Variants in SNTG2 observed in about 807,000 individuals in gnomAD.
SNTG2 encodes syntrophin gamma 2, also known as gamma-2-syntrophin.
Under a neutral mutation model 70.9 loss-of-function variants are expected in SNTG2, and 74 were observed. That is an observed-to-expected ratio of 1.04 (90% CI 0.86 to 1.27). The LOEUF (loss-of-function observed/expected upper bound fraction) is 1.27. Ranked by LOEUF, SNTG2 falls within the 50% of genes most tolerant of loss-of-function variation. The pLI is 0.00. For synonymous variants in SNTG2, 278 were observed against 273.8 expected (o/e 1.02, Z -0.15); for missense variants, 717 against 690.7 (o/e 1.04, Z -0.43).
chr2:1,098,478 G>C, intron 4 of SNTG2, 68 bp downstream of exon 4: 1 of 1,494,578 alleles, frequency 6.7e-7, no homozygotes, highest in Non-Finnish European at 9.3e-7. Flanking sequence ...TACTGAAAAT[G>C]ATAAAAATCA....
At chr2:1,276,224 A>T (rs572776103) in intron 14 of SNTG2, among the ~76,000 whole-genome samples, 6 of 152,336 alleles carry the variant, frequency 3.9e-5, no homozygotes, top group African/African-American at 1.2e-4. Flanking sequence ...TAAACAATAG[A>T]TTTTCCATGT....
At chr2:1,001,737 A>G (rs1659401691) in intron 1 of SNTG2, among the ~76,000 whole-genome samples, 1 of 152,048 alleles carries the variant, frequency 6.6e-6, no homozygotes, top group Non-Finnish European at 1.5e-5. Flanking sequence ...AAATATTAAT[A>G]TCATTTTTTA....
chr2:959,991 G>A (rs994340183), intron 1 of SNTG2, among the ~76,000 whole-genome samples: 14 of 151,986 alleles, frequency 9.2e-5, no homozygotes, highest in Non-Finnish European at 1.8e-4. Flanking sequence ...TCATCCTCAA[G>A]ATAGAATTTT....
chr2:1,222,491 G>T (rs1297815073), intron 9 of SNTG2, among the ~76,000 whole-genome samples: 1 of 141,002 alleles, frequency 7.1e-6, no homozygotes, highest in East Asian at 2.2e-4. Flanking sequence ...GAGGAAAGTG[G>T]TGCAGTGATG....
At chr2:1,001,691 C>G (rs1414804726) in intron 1 of SNTG2, among the ~76,000 whole-genome samples, 1 of 151,778 alleles carries the variant, frequency 6.6e-6, no homozygotes, top group Non-Finnish European at 1.5e-5. Flanking sequence ...ACCATACTAC[C>G]CAAAGCAATC....
chr2:1,307,700 C>A lies in SNTG2; in HGVS notation c.1285-794C>A, dbSNP rs148756663. Among the ~76,000 whole-genome samples, 377 of 152,340 alleles carry A rather than the reference C, an allele frequency of 2.5e-3. 1 individual carries two copies. The highest frequency in any genetic ancestry group is 8.4e-3 in the African/African-American group (348 of 41,568). On this transcript the variant is annotated intron_variant, in intron 14 of 16. Transcript: ENST00000308624. Reference sequence around the variant, plus strand: ...AACTTTTACCAAGTTATTAGGGTCCCTGCTTCTTTCGTCTGGAGTCGCATG... The same window carrying A: ...AACTTTTACCAAGTTATTAGGGTCCATGCTTCTTTCGTCTGGAGTCGCATG...
In SNTG2 at chr2:1,222,077, CTG is replaced by C. The variant is rs1249428328; in HGVS notation, c.719+12849_719+12850del. ...TCTCTGTCTCTGTTTCTCTCTGTCT[CTG>C]TCTCTGTCTCTCTCTGTCTCTCTCT... On this transcript the variant is annotated intron_variant, in intron 9 of 16. Coordinates refer to ENST00000308624, the MANE Select transcript of SNTG2 (RefSeq NM_018968.4). Among the ~76,000 whole-genome samples the C allele has an allele frequency of 5.0e-3, 252 of 50,016 alleles. 46 individuals are homozygous for C. The highest frequency in any genetic ancestry group is 7.5e-3 in the Non-Finnish European group (163 of 21,796). The allele number at this position is 50,016 out of a possible 152,430, so 32.8% of individuals were successfully genotyped here.
Position 1,190,495 on chromosome 2 carries a change from CTATATATATATATATATA to C in SNTG2, c.591+17340_591+17357del, listed in dbSNP as rs72001718. Among the ~76,000 whole-genome samples the C allele has an allele frequency of 8.3e-3, 757 of 90,812 alleles. 17 individuals are homozygous for C. The highest frequency in any genetic ancestry group is 0.025 in the Admixed American group (247 of 9,706). 59.6% of individuals were successfully genotyped at this position (90,812 alleles called of 152,430 possible). A position where few individuals can be genotyped will look rare whatever the true frequency, so the allele number is the denominator to read the frequency against. Reference sequence around the variant, plus strand: ...TGGAACCACAAATATGGAGGGCTGACTATATATATATATATATATATATATATATATATATATATATAT... The same window carrying C: ...TGGAACCACAAATATGGAGGGCTGACTATATATATATATATATATATATAT... On this transcript the variant is annotated intron_variant, in intron 8 of 16. Coordinates refer to ENST00000308624, the MANE Select transcript of SNTG2 (RefSeq NM_018968.4).
chr2:1,140,858 CACTA>C (rs1392523980), intron 6 of SNTG2, among the ~76,000 whole-genome samples: 2 of 151,900 alleles, frequency 1.3e-5, no homozygotes, highest in African/African-American at 2.4e-5. Context: ...AAAAAAAAGT[CACTA>C]ACACCTTTCA....
At chr2:1,282,994 T>C (rs1456660073) in intron 14 of SNTG2, among the ~76,000 whole-genome samples, 1 of 152,152 alleles carries the variant, frequency 6.6e-6, no homozygotes, top group Non-Finnish European at 1.5e-5. Context: ...AAGACAGAAG[T>C]GGCCACGGAA....
chr2:1,188,439 T>G (rs1672379506), intron 8 of SNTG2, among the ~76,000 whole-genome samples: 1 of 152,044 alleles, frequency 6.6e-6, no homozygotes, highest in Admixed American at 6.6e-5. Context: ...CAGAGGCCTA[T>G]TAGATAAAAT....
intron 9 of SNTG2, among the ~76,000 whole-genome samples, chr2:1,222,111 C>G (rs753303410): frequency 1.6e-5 from 1 of 64,120 alleles, no homozygotes; most frequent in African/African-American, 6.2e-5. Flanking sequence ...CTCTGTCTCT[C>G]TCTGTCTCTC....
At chr2:1,039,305 T>C (rs1351892259) in intron 1 of SNTG2, among the ~76,000 whole-genome samples, 2 of 152,242 alleles carry the variant, frequency 1.3e-5, no homozygotes, top group Non-Finnish European at 2.9e-5. Flanking sequence ...TTCCATTTTT[T>C]CTCACAATTA....
chr2:1,065,007 G>A (rs1335741520), intron 1 of SNTG2, among the ~76,000 whole-genome samples: 3 of 152,190 alleles, frequency 2.0e-5, no homozygotes, highest in South Asian at 2.1e-4. Flanking sequence ...CATATCAGAC[G>A]CGGTGGATTG....
intron 16 of SNTG2, among the ~76,000 whole-genome samples, chr2:1,320,291 T>G (rs968959944): frequency 6.6e-6 from 1 of 151,638 alleles, no homozygotes; most frequent in Non-Finnish European, 1.5e-5. Context: ...TCTCAGCACT[T>G]TGGGAGGCTG....
rs187248586 is a variant in SNTG2, at chr2:987,659, C to T, written c.72+36591C>T. ...GACTTCCGAGTTCCAGAGCCGTGAG[C>T]GAATACATCTGCATCTTTAAGCCAC... On this transcript the variant is annotated intron_variant, in intron 1 of 16. Coordinates refer to ENST00000308624, the MANE Select transcript of SNTG2 (RefSeq NM_018968.4). 4.8e-4 allele frequency among the ~76,000 whole-genome samples: 73 copies of T among 152,120 alleles called. 1 individual carries two copies. Among genetic ancestry groups the T allele is most frequent in the African/African-American group, 1.8e-3 (73 of 41,512 alleles).
At chr2:1,263,763 A>G (rs34542909) in intron 13 of SNTG2, among the ~76,000 whole-genome samples, 46,482 of 152,068 alleles carry the variant, frequency 0.31, 8,011 homozygotes, top group African/African-American at 0.47. Flanking sequence ...CATGCTGGCC[A>G]CTCTGTCATG....
intron 1 of SNTG2, among the ~76,000 whole-genome samples, chr2:963,268 A>G (rs1660414256): frequency 6.6e-6 from 1 of 152,126 alleles, no homozygotes; most frequent in Non-Finnish European, 1.5e-5. Context: ...AAAAATTGAA[A>G]TGGAATGACC....
chr2:1,292,648 T>G (rs1283362817), intron 14 of SNTG2, among the ~76,000 whole-genome samples: 2 of 152,226 alleles, frequency 1.3e-5, no homozygotes, highest in Admixed American at 6.5e-5. Flanking sequence ...CATGTTGCAT[T>G]GATAGATTTT....
Sources: gnomAD v4.1 joint callset for allele counts (sites outside exome capture counted in the v4.1 genomes callset) on GRCh38, gnomAD v4.1.1 for gene constraint, MANE v1.5 for transcripts, NCBI Gene and HGNC (gene_info 2026-07-23, HGNC 2026-07-21) for gene names.